Variants in ADARB2 observed in about 807,000 individuals in gnomAD.
ADARB2 encodes inactive double-stranded RNA-specific editase B2.
Under a neutral mutation model 62.2 loss-of-function variants are expected in ADARB2, and 25 were observed. The observed-to-expected ratio is 0.40, with a 90% CI of 0.29 to 0.56. The LOEUF (loss-of-function observed/expected upper bound fraction) is 0.56. ADARB2 is among the 20% of genes least tolerant of loss of function. The pLI, the probability that ADARB2 is intolerant of heterozygous loss-of-function variation, is 0.43. For synonymous variants in ADARB2, 572 were observed against 500.8 expected (o/e 1.14, Z -1.90); for missense variants, 1,071 against 1,077.4 (o/e 0.99, Z 0.08).
At chr10:1,694,261 A>T (rs1448165421) in intron 1 of ADARB2, among the ~76,000 whole-genome samples, 1 of 152,232 alleles carries the variant, frequency 6.6e-6, no homozygotes. Flanking sequence ...TTGCTGTGAA[A>T]TTCAAAGTTT....
chr10:1,711,986 TTAGA>T (rs1834953717), intron 1 of ADARB2, among the ~76,000 whole-genome samples: 1 of 152,242 alleles, frequency 6.6e-6, no homozygotes, highest in Non-Finnish European at 1.5e-5. Flanking sequence ...TCATTTAATG[TTAGA>T]TGGATGTTGA....
chr10:1,368,327 G>T (rs1201380340), intron 2 of ADARB2, among the ~76,000 whole-genome samples: 1 of 152,190 alleles, frequency 6.6e-6, no homozygotes, highest in African/African-American at 2.4e-5. Context: ...AGTCGGCCGT[G>T]AGGGAACATG....
chr10:1,363,584 T>G lies in ADARB2; in HGVS notation c.521A>C (p.Lys174Thr). 2.5e-6 allele frequency: 4 copies of G among 1,589,422 alleles called. No homozygotes were observed. In the South Asian group the frequency reaches 4.5e-5, roughly 18 times the overall value. The change falls in exon 3 of 10, where the codon AAG becomes ACG. Residue 174 changes from lysine (K) to threonine (T), a missense_variant. Physicochemically the swap from Lys to Thr is moderately conservative, Grantham distance 78. Coordinates refer to ENST00000381312, the MANE Select transcript of ADARB2 (RefSeq NM_018702.4). ...CGCCGCGCGCATCTTGGCCTTCTTC[T>G]TGGTGGGGCCTGTGCCCTCGAACGT... is the stretch of plus-strand genomic sequence containing the variant. ...GLTFEGTGPT[K>T]KKAKMRAAEL...
In ADARB2 at chr10:1,371,635, G is replaced by C. The variant is rs1832372763; in HGVS notation, c.187+7439C>G. ...ACCAAACAACTCCACAAAAAATTGGGCAAAGGGCATGAACAGACATTTCTC... is the reference window on the plus strand; with the variant it reads ...ACCAAACAACTCCACAAAAAATTGGCCAAAGGGCATGAACAGACATTTCTC... On this transcript the variant is annotated intron_variant, in intron 2 of 9. Transcript: ENST00000381312. 2.0e-5 allele frequency among the ~76,000 whole-genome samples: 3 copies of C among 152,042 alleles called. No homozygotes were observed. The South Asian group carries it at 6.2e-4, about 32-fold the overall frequency.
chr10:1,302,320 C>T (rs923206298), intron 3 of ADARB2, among the ~76,000 whole-genome samples: 2 of 152,100 alleles, frequency 1.3e-5, no homozygotes, highest in African/African-American at 4.8e-5. Flanking sequence ...GCTTTTCCGA[C>T]GGGCTTAAAA....
intron 3 of ADARB2, among the ~76,000 whole-genome samples, chr10:1,285,345 G>A (rs1056171294): frequency 4.8e-5 from 7 of 145,724 alleles, no homozygotes; most frequent in Non-Finnish European, 1.1e-4. Context: ...TCGCAGGGAC[G>A]ATGGTGGTAG....
intron 1 of ADARB2, among the ~76,000 whole-genome samples, chr10:1,400,449 C>A (rs1832652103): frequency 6.6e-6 from 1 of 152,186 alleles, no homozygotes; most frequent in Non-Finnish European, 1.5e-5. Flanking sequence ...CACGGCAGCA[C>A]ATGGAGATGG....
chr10:1,512,145 T>C (rs2131945829), intron 1 of ADARB2, among the ~76,000 whole-genome samples: 2 of 152,198 alleles, frequency 1.3e-5, no homozygotes, highest in Middle Eastern at 6.8e-3. Flanking sequence ...AAGACATCGA[T>C]GCTGTCCACA....
At chr10:1,281,052 C>T (rs771392320) in intron 3 of ADARB2, among the ~76,000 whole-genome samples, 23 of 152,194 alleles carry the variant, frequency 1.5e-4, no homozygotes, top group Non-Finnish European at 2.4e-4. Context: ...ACAAAGAAAA[C>T]GTGGCAATCA....
intron 1 of ADARB2, among the ~76,000 whole-genome samples, chr10:1,418,350 T>G (rs1024949010): frequency 6.6e-6 from 1 of 152,168 alleles, no homozygotes; most frequent in Non-Finnish European, 1.5e-5. Context: ...GCCCTGTGGC[T>G]TTGCTCTGTC....
intron 1 of ADARB2, among the ~76,000 whole-genome samples, chr10:1,682,672 G>C (rs1276147302): frequency 1.3e-5 from 2 of 152,232 alleles, no homozygotes; most frequent in South Asian, 2.1e-4. Flanking sequence ...GTCACTCACA[G>C]CCTCCGTTAG....
At chr10:1,479,600 T>C (rs892784462) in intron 1 of ADARB2, among the ~76,000 whole-genome samples, 1 of 151,944 alleles carries the variant, frequency 6.6e-6, no homozygotes, top group Non-Finnish European at 1.5e-5. Context: ...AAACCATGGG[T>C]GGCATTTGGG....
intron 3 of ADARB2, among the ~76,000 whole-genome samples, chr10:1,362,291 T>G (rs916195243): frequency 1.3e-5 from 2 of 152,264 alleles, no homozygotes; most frequent in Non-Finnish European, 2.9e-5. Flanking sequence ...GCTCAGGTGC[T>G]CCCACCCCGT....
intron 1 of ADARB2, among the ~76,000 whole-genome samples, chr10:1,736,386 T>G (rs142658580): frequency 6.6e-6 from 1 of 152,226 alleles, no homozygotes; most frequent in East Asian, 1.9e-4. Flanking sequence ...AGTTTGTCAG[T>G]GGCCGCTGTC....
At chr10:1,200,949 C>T (rs1291299146) in intron 7 of ADARB2, among the ~76,000 whole-genome samples, 2 of 152,190 alleles carry the variant, frequency 1.3e-5, no homozygotes, top group Non-Finnish European at 2.9e-5. Flanking sequence ...CTGCCATCCC[C>T]GCATGCAGCG....
In ADARB2 at chr10:1,246,922, G is replaced by T. The variant is rs1271081676; in HGVS notation, c.1193-4623C>A. ...GCATTGAATCTATAAATTACCTTGG[G>T]CAGTATGGCCATTTTCACGATATTG... is the stretch of plus-strand genomic sequence containing the variant. On this transcript the variant is annotated intron_variant, in intron 4 of 9. Transcript: ENST00000381312. 2.5e-4 allele frequency among the ~76,000 whole-genome samples: 38 copies of T among 151,946 alleles called. 1 individual carries two copies. Among genetic ancestry groups the T allele is most frequent in the Admixed American group, 2.5e-3 (38 of 15,252 alleles).
chr10:1,661,819 T>C (rs1022391548), intron 1 of ADARB2, among the ~76,000 whole-genome samples: 2 of 152,138 alleles, frequency 1.3e-5, no homozygotes, highest in African/African-American at 4.8e-5. Flanking sequence ...ATTTCCCAAG[T>C]GCAAAGGGAC....
intron 1 of ADARB2, among the ~76,000 whole-genome samples, chr10:1,594,942 G>A (rs911776504): frequency 6.6e-5 from 10 of 152,262 alleles, no homozygotes; most frequent in Admixed American, 3.3e-4. Context: ...AGCGCCCACT[G>A]CCTCCCCCAT....
chr10:1,629,889 A>T (rs550908289), intron 1 of ADARB2, among the ~76,000 whole-genome samples: 4 of 151,822 alleles, frequency 2.6e-5, no homozygotes, highest in African/African-American at 9.7e-5. Context: ...AGGGAGCGAG[A>T]CACAGAGAAT....
Sources: allele counts gnomAD v4.1 joint callset (sites outside exome capture counted in the v4.1 genomes callset), GRCh38; gene constraint gnomAD v4.1.1; transcripts MANE v1.5; gene names NCBI Gene and HGNC (gene_info 2026-07-23, HGNC 2026-07-21).